NAA50: variants seen among roughly 807,000 people sequenced by gnomAD.
The protein encoded by NAA50 is N-alpha-acetyltransferase 50.
NAA50 carries 7 observed loss-of-function variants against 20.7 expected under a neutral mutation model. That is an observed-to-expected ratio of 0.34 (90% CI 0.19 to 0.63). The LOEUF is 0.63. Ranked by LOEUF, NAA50 falls within the 30% of genes least tolerant of loss-of-function variation. NAA50 has a pLI of 0.75. For synonymous variants in NAA50, 54 were observed against 70.6 expected (o/e 0.77, Z 1.18); for missense variants, 111 against 199.1 (o/e 0.56, Z 2.66).
intron 1 of NAA50, among the ~76,000 whole-genome samples, chr3:113,735,740 G>A (rs192052240): frequency 2.0e-5 from 3 of 152,336 alleles, no homozygotes; most frequent in East Asian, 1.9e-4. Context: ...CTAGAGTGCA[G>A]TGGCTCAATC....
chr3:113,730,188 C>T (rs1708254006), intron 1 of NAA50, among the ~76,000 whole-genome samples: 1 of 152,058 alleles, frequency 6.6e-6, no homozygotes, highest in African/African-American at 2.4e-5. Context: ...TTAGTCCCAG[C>T]TACTTGAGAG....
chr3:113,743,020 A>T (rs891154966), intron 1 of NAA50, among the ~76,000 whole-genome samples: 1 of 152,180 alleles, frequency 6.6e-6, no homozygotes, highest in Non-Finnish European at 1.5e-5. Context: ...GTTCATAAAA[A>T]CAGCCAACCT....
At position 113,728,759 on chromosome 3, in the gene NAA50, T is replaced by C. The variant is rs75533252; in HGVS notation, c.9-4664A>G. On this transcript the variant is annotated intron_variant, in intron 1 of 4. Transcript: ENST00000240922. ...TTTCCAAATTTCTGTCTCTAGCCTA[T>C]AGTTCACTCCTGAACTCTACATTCC... Among the ~76,000 whole-genome samples the C allele has an allele frequency of 4.9e-3, 753 of 152,354 alleles. 6 individuals carry two copies. The highest frequency in any genetic ancestry group is 0.017 in the African/African-American group (692 of 41,590).
At position 113,717,275 on chromosome 3, in the gene NAA50, A is replaced by T. The variant is rs2107980116; in HGVS notation, c.*4485T>A. On this transcript the variant is annotated 3_prime_UTR_variant, in exon 5 of 5. Transcript: ENST00000240922. ...CTTGAATCTGGGAGGCGGAGTTTGC[A>T]GTGAGCCAAGATCGCGCCACTGCAC... 1 of 152,410 alleles carries T rather than the reference A, an allele frequency of 6.6e-6. No homozygotes were observed. The highest frequency in any genetic ancestry group is 1.9e-4 in the East Asian group (1 of 5,184). The allele number at this position is 152,410 out of a possible 1,614,324, so 9.4% of individuals were successfully genotyped here.
In NAA50 at chr3:113,727,990, GC is replaced by G. The variant is rs369751978; in HGVS notation, c.9-3896del. ...ATACTTCTGTAATCCTGATCACTTAGCTCCAAATTATTTTAAGACATGGATT... is the reference window on the plus strand; with the variant it reads ...ATACTTCTGTAATCCTGATCACTTAGTCCAAATTATTTTAAGACATGGATT... On this transcript the variant is annotated intron_variant, in intron 1 of 4. Transcript: ENST00000240922. Among the ~76,000 whole-genome samples, 253 of 151,068 alleles carry G rather than the reference GC, an allele frequency of 1.7e-3. 5 individuals are homozygous for G. In the South Asian group the frequency reaches 0.034, roughly 20 times the overall value.
At chr3:113,742,937 T>C (rs1559743251) in intron 1 of NAA50, among the ~76,000 whole-genome samples, 1 of 152,224 alleles carries the variant, frequency 6.6e-6, no homozygotes, top group Admixed American at 6.5e-5. Context: ...GCATACCTTC[T>C]TGCTTGAAAT....
rs1278760808 is a variant in NAA50, at chr3:113,736,450, C to T, written c.8+9492G>A. On this transcript the variant is annotated intron_variant, in intron 1 of 4. Coordinates refer to ENST00000240922, the MANE Select transcript of NAA50 (RefSeq NM_025146.4). ...TTTGTGCCACAAGATTATAATTTCA[C>T]GTACATAACTTCTGGGTTAGACTAT... is the stretch of plus-strand genomic sequence containing the variant. Among the ~76,000 whole-genome samples the T allele has an allele frequency of 2.0e-4, 30 of 152,152 alleles. 1 individual carries two copies. Among genetic ancestry groups the T allele is most frequent in the Admixed American group, 2.0e-3 (30 of 15,276 alleles).
intron 1 of NAA50, among the ~76,000 whole-genome samples, chr3:113,745,010 C>A (rs1482816894): frequency 6.6e-6 from 1 of 152,182 alleles, no homozygotes; most frequent in African/African-American, 2.4e-5. Context: ...TCGCAGAGAG[C>A]TTTTTAACGT....
intron 4 of NAA50, among the ~76,000 whole-genome samples, chr3:113,722,507 C>G (rs1708147862): frequency 6.6e-6 from 1 of 152,094 alleles, no homozygotes; most frequent in African/African-American, 2.4e-5. Flanking sequence ...GCTAGGTAAT[C>G]TCTGATTTTG....
chr3:113,746,157 T>G lies in NAA50; in HGVS notation c.-208A>C. 3.5e-6 allele frequency: 2 copies of G among 572,854 alleles called. No homozygotes were observed. The highest frequency in any genetic ancestry group is 5.9e-6 in the Non-Finnish European group (2 of 336,436). 35.5% of individuals were successfully genotyped at this position (572,854 alleles called of 1,614,324 possible). A position where few individuals can be genotyped will look rare whatever the true frequency, so the allele number is the denominator to read the frequency against. ...GCGGGAGTGTCTCCCGCCGCCGCGC[T>G]TGTGCCGCCGCTTCTCCACACGTGC... On this transcript the variant is annotated 5_prime_UTR_variant, in exon 1 of 5. Coordinates refer to ENST00000240922, the MANE Select transcript of NAA50 (RefSeq NM_025146.4).
At chr3:113,726,123 T>G (rs1708195193) in intron 1 of NAA50, among the ~76,000 whole-genome samples, 1 of 152,208 alleles carries the variant, frequency 6.6e-6, no homozygotes, top group South Asian at 2.1e-4. Flanking sequence ...GATCTTTTCA[T>G]GTCTTGTATG....
chr3:113,734,901 T>C (rs997693295), intron 1 of NAA50, among the ~76,000 whole-genome samples: 4 of 152,222 alleles, frequency 2.6e-5, no homozygotes, highest in Non-Finnish European at 4.4e-5. Flanking sequence ...TTAAAAATGA[T>C]TTATATAATG....
intron 1 of NAA50, chr3:113,724,682 A>C (rs1708178843): frequency 6.6e-6 from 1 of 152,172 alleles, no homozygotes; most frequent in African/African-American, 2.4e-5. Flanking sequence ...CCATTAAGAA[A>C]GCAACAGGAG....
At chr3:113,738,814 AAAG>A (rs1490088151) in intron 1 of NAA50, among the ~76,000 whole-genome samples, 1 of 152,212 alleles carries the variant, frequency 6.6e-6, no homozygotes, top group Non-Finnish European at 1.5e-5. Context: ...TTTTCTGGAA[AAAG>A]AAGTGTTTGA....
rs1708137177 is a variant in NAA50 at position 113,721,656 on chromosome 3, G to C, written c.*104C>G. The C allele has an allele frequency of 8.5e-7, 1 of 1,171,644 alleles. No individual in the cohort carries two copies. Among genetic ancestry groups the C allele is most frequent in the South Asian group, 1.3e-5 (1 of 74,946 alleles). 72.6% of individuals were successfully genotyped at this position (1,171,644 alleles called of 1,614,324 possible). ...GAAGAAAGAAAAACAAGAACAAGGA[G>C]GGAGAAAAGCTTTAAAAGAAAAGTG... On this transcript the variant is annotated 3_prime_UTR_variant, in exon 5 of 5. Coordinates refer to ENST00000240922, the MANE Select transcript of NAA50 (RefSeq NM_025146.4).
rs1708099024 is a variant in NAA50, at chr3:113,718,985, C to T, written c.*2775G>A. The T allele has an allele frequency of 6.6e-6, 1 of 152,652 alleles. No individual in the cohort carries two copies. The allele number at this position is 152,652 out of a possible 1,614,324, so 9.5% of individuals were successfully genotyped here. A position where few individuals can be genotyped will look rare whatever the true frequency, so the allele number is the denominator to read the frequency against. Reference sequence around the variant, plus strand: ...ACAGTTTTGACATTTACAGATATCACAGATCACTACCAGAACATCACATAA... The same window carrying T: ...ACAGTTTTGACATTTACAGATATCATAGATCACTACCAGAACATCACATAA... On this transcript the variant is annotated 3_prime_UTR_variant, in exon 5 of 5. Coordinates refer to ENST00000240922, the MANE Select transcript of NAA50 (RefSeq NM_025146.4).
chr3:113,744,930 T>C (rs1210017790), intron 1 of NAA50, among the ~76,000 whole-genome samples: 4 of 152,174 alleles, frequency 2.6e-5, no homozygotes, highest in Admixed American at 6.5e-5. Context: ...TATTGAATAG[T>C]TGGAATGACT....
At chr3:113,743,387 T>A (rs1197953831) in intron 1 of NAA50, among the ~76,000 whole-genome samples, 1 of 152,222 alleles carries the variant, frequency 6.6e-6, no homozygotes, top group Non-Finnish European at 1.5e-5. Context: ...AAAAGCCACA[T>A]AACCAGGACC....
intron 1 of NAA50, chr3:113,741,290 A>G: frequency 2.7e-6 from 1 of 369,690 alleles, no homozygotes; most frequent in South Asian, 2.4e-5. Context: ...CACAGACCAC[A>G]AGGTACATTT....
Sources: allele counts gnomAD v4.1 joint callset (sites outside exome capture counted in the v4.1 genomes callset), GRCh38; gene constraint gnomAD v4.1.1; transcripts MANE v1.5; gene names NCBI Gene and HGNC (gene_info 2026-07-23, HGNC 2026-07-21).